UBE2Q1: variants seen among roughly 807,000 people sequenced by gnomAD.
The protein encoded by UBE2Q1 is ubiquitin conjugating enzyme E2 Q1.
A neutral mutation model predicts 60.1 loss-of-function variants in UBE2Q1; 6 were observed. The ratio of observed to expected loss-of-function variants is 0.10; its 90% confidence interval spans 0.05 to 0.20. The LOEUF is 0.20. Among genes scored for constraint, UBE2Q1 ranks in the 10% least tolerant of loss-of-function variants. The probability of loss-of-function intolerance (pLI) is 1.00; values close to 1 mark genes in which losing one functional copy is unlikely to be tolerated. For synonymous variants in UBE2Q1, 226 were observed against 208.3 expected (o/e 1.09, Z -0.73); for missense variants, 262 against 525.8 (o/e 0.50, Z 4.91).
intron 7 of UBE2Q1, 28 bp from the exon 8 acceptor site, chr1:154,552,211 T>C (rs778566368): frequency 6.8e-6 from 11 of 1,613,630 alleles, no homozygotes; most frequent in Non-Finnish European, 9.3e-6. Flanking sequence ...TGGGCTCAGA[T>C]GCCTGGTTCC....
At chr1:154,550,873 G>A (rs1557844342) in intron 12 of UBE2Q1, 65 bp downstream of exon 12, 1 of 1,613,242 alleles carries the variant, frequency 6.2e-7, no homozygotes, top group Non-Finnish European at 8.5e-7. Flanking sequence ...CTTGCTCTGT[G>A]GCTGGAAGTG....
Position 154,550,982 on chromosome 1 carries a change from G to A in UBE2Q1, c.1193C>T (p.Ala398Val). 1 of 1,614,080 alleles carries A rather than the reference G, an allele frequency of 6.2e-7. No homozygotes were observed. The highest frequency in any genetic ancestry group is 8.5e-7 in the Non-Finnish European group (1 of 1,180,010). ...ANKSQYSLTR[A>V]QQSYKSLVQI... ...CACCAAGGACTTGTAGGACTGCTGTGCTCTTGTCAGACTGTATTGAGACTG... is the reference window on the plus strand; with the variant it reads ...CACCAAGGACTTGTAGGACTGCTGTACTCTTGTCAGACTGTATTGAGACTG... The change falls in exon 12 of 13, where the codon GCA becomes GTA. Residue 398 changes from alanine to valine, a missense_variant. Transcript: ENST00000292211.
In UBE2Q1 at chr1:154,553,119, G is replaced by A. The variant is rs756649706; in HGVS notation, c.642C>T (p.Gly214=). 6.2e-7 allele frequency: 1 copy of A among 1,613,868 alleles called. No homozygotes were observed. The highest frequency in any genetic ancestry group is 8.5e-7 in the Non-Finnish European group (1 of 1,180,028). Residue 214 remains glycine (G), a synonymous_variant, in exon 5 of 13, where the codon GGC becomes GGT. Transcript: ENST00000292211. ...CAATGCCATCATCTTCAGATTTCTTGCCCTCAGCTGGCTCTTCCTCTTTCA... is the reference window on the plus strand; with the variant it reads ...CAATGCCATCATCTTCAGATTTCTTACCCTCAGCTGGCTCTTCCTCTTTCA... ...YEMKEEEPAE[G]KKSEDDGIGK... is the part of the protein sequence containing the mutation.
chr1:154,551,340 G>A (rs1695788067), intron 11 of UBE2Q1, 57 bp downstream of exon 11: 1 of 1,566,876 alleles, frequency 6.4e-7, no homozygotes, highest in East Asian at 2.2e-5. Flanking sequence ...CCTGCTAGTG[G>A]CCCCAAGTGT....
In UBE2Q1 at chr1:154,553,149, A is replaced by G. The variant is rs768070692; in HGVS notation, c.612T>C (p.Tyr204=). The change falls in exon 5 of 13, where the codon TAT becomes TAC. Residue 204 remains tyrosine, a synonymous_variant. Coordinates refer to ENST00000292211, the MANE Select transcript of UBE2Q1 (RefSeq NM_017582.7). The part of the protein sequence containing the change: ...MPEDTEDLDH[Y]EMKEEEPAEG... Reference sequence around the variant, plus strand: ...CAGCTGGCTCTTCCTCTTTCATTTCATAGTGATCTAAGTCTTCTGTGTCCT... The same window carrying G: ...CAGCTGGCTCTTCCTCTTTCATTTCGTAGTGATCTAAGTCTTCTGTGTCCT... 38 of 1,613,404 alleles carry G rather than the reference A, an allele frequency of 2.4e-5. No homozygotes were observed. Among genetic ancestry groups the G allele is most frequent in the Admixed American group, 6.7e-5 (4 of 59,978 alleles).
chr1:154,549,674 A>C lies in UBE2Q1; in HGVS notation c.*764T>G, dbSNP rs1695759191. 6.6e-6 allele frequency: 1 copy of C among 152,662 alleles called. No homozygotes were observed. The highest frequency in any genetic ancestry group is 2.1e-4 in the South Asian group (1 of 4,834). 9.5% of individuals were successfully genotyped at this position (152,662 alleles called of 1,614,324 possible). Reference sequence around the variant, plus strand: ...TTTTCTTTTTCTTAGAAATTTGAAAACATCTGTGACTAGAAAAGTAGTCCT... The same window carrying C: ...TTTTCTTTTTCTTAGAAATTTGAAACCATCTGTGACTAGAAAAGTAGTCCT... On this transcript the variant is annotated 3_prime_UTR_variant, in exon 13 of 13. Transcript: ENST00000292211.
rs377610107 is a variant in UBE2Q1 at position 154,555,976 on chromosome 1, A to G, written c.328-12T>C. 1 of 1,609,916 alleles carries G rather than the reference A, an allele frequency of 6.2e-7. No individual in the cohort carries two copies. On this transcript the variant is annotated splice_polypyrimidine_tract_variant and intron_variant, in intron 1 of 12. Transcript: ENST00000292211. ...GCAGGGTATGACTCCTGAAGGGAAA[A>G]GAGCAATAAGAGCAATCAAAATGGG...
chr1:154,551,756 G>A lies in UBE2Q1; in HGVS notation c.1074+15C>T, dbSNP rs777671170. 4.3e-6 allele frequency: 7 copies of A among 1,614,214 alleles called. No homozygotes were observed. Among genetic ancestry groups the A allele is most frequent in the Admixed American group, 1.7e-5 (1 of 60,032 alleles). ...CGCCCAGGCCGGCCTGGCCAAGGAG[G>A]AGAGACAGGCTCACCTGTTTGGTGA... On this transcript the variant is annotated intron_variant, in intron 10 of 12. Coordinates refer to ENST00000292211, the MANE Select transcript of UBE2Q1 (RefSeq NM_017582.7).
At chr1:154,553,290 T>A in intron 4 of UBE2Q1, 118 bp from the exon 5 acceptor site, 1 of 1,342,370 alleles carries the variant, frequency 7.4e-7, no homozygotes, top group Non-Finnish European at 1.0e-6. Context: ...AGTGAAGCAG[T>A]CCATCTAGCA....
chr1:154,551,744 C>T (rs532851183), intron 10 of UBE2Q1, 27 bp downstream of exon 10: 19 of 1,614,100 alleles, frequency 1.2e-5, no homozygotes, highest in Non-Finnish European at 1.6e-5. Flanking sequence ...CCAGGCCGGC[C>T]TGGCCAAGGA....
rs1695815100 is a variant in UBE2Q1, at chr1:154,552,773, C to T, written c.777G>A (p.Glu259=). Reference sequence around the variant, plus strand: ...TCTGTGATCGGTATATATCCCTGAGCTCCTTCATCAGCCGGTCAGTGGCCT... The same window carrying T: ...TCTGTGATCGGTATATATCCCTGAGTTCCTTCATCAGCCGGTCAGTGGCCT... ...SVQATDRLMK[E]LRDIYRSQSF... The change falls in exon 6 of 13, where the codon GAG becomes GAA. Residue 259 remains glutamate (E), a synonymous_variant. Transcript: ENST00000292211. The T allele has an allele frequency of 1.2e-6, 2 of 1,614,130 alleles. No homozygotes were observed. The highest frequency in any genetic ancestry group is 3.3e-5 in the Admixed American group (2 of 60,010).
chr1:154,551,180 C>T lies in UBE2Q1; in HGVS notation c.1171-176G>A. On this transcript the variant is annotated intron_variant, in intron 11 of 12. Coordinates refer to ENST00000292211, the MANE Select transcript of UBE2Q1 (RefSeq NM_017582.7). ...CTTGGAGGCATAATCCCATAGTCTT[C>T]CTTTTCCAGACCCGAAACCTCCCAA... 3.4e-6 allele frequency: 3 copies of T among 877,650 alleles called. No individual in the cohort carries two copies. In the South Asian group the frequency reaches 4.9e-5, roughly 14 times the overall value. The allele number at this position is 877,650 out of a possible 1,614,324, so 54.4% of individuals were successfully genotyped here.
intron 5 of UBE2Q1, 68 bp downstream of exon 5, chr1:154,552,964 G>C (rs1695818018): frequency 5.6e-6 from 9 of 1,602,414 alleles, no homozygotes; most frequent in Non-Finnish European, 6.8e-6. Flanking sequence ...ACTGAGATGC[G>C]ATGGCCTACT....
In UBE2Q1 at chr1:154,556,115, C is replaced by A. The variant is rs1047720399; in HGVS notation, c.328-151G>T. ...ATAAAAGCCCAACTTAGGTCAGCATCTAACCAAGCAGCTTCACAACAAATT... is the reference window on the plus strand; with the variant it reads ...ATAAAAGCCCAACTTAGGTCAGCATATAACCAAGCAGCTTCACAACAAATT... On this transcript the variant is annotated intron_variant, in intron 1 of 12. Coordinates refer to ENST00000292211, the MANE Select transcript of UBE2Q1 (RefSeq NM_017582.7). 3.9e-5 allele frequency: 24 copies of A among 618,796 alleles called. No homozygotes were observed. In the Admixed American group the frequency reaches 5.8e-4, roughly 15 times the overall value. The allele number at this position is 618,796 out of a possible 1,614,324, so 38.3% of individuals were successfully genotyped here.
At chr1:154,552,673 C>T in intron 6 of UBE2Q1, 63 bp downstream of exon 6, 1 of 1,576,168 alleles carries the variant, frequency 6.3e-7, no homozygotes, top group Non-Finnish European at 8.6e-7. Context: ...TCTTGGGCCC[C>T]TTGCCACCAT....
chr1:154,552,635 T>C, intron 6 of UBE2Q1, 101 bp downstream of exon 6: 1 of 1,481,998 alleles, frequency 6.7e-7, no homozygotes, highest in Non-Finnish European at 9.2e-7. Flanking sequence ...GCCTGAAAAG[T>C]TCATAAGCAC....
At position 154,556,079 on chromosome 1, in the gene UBE2Q1, C is replaced by T. The variant is rs75483513; in HGVS notation, c.328-115G>A. 2,357 of 779,180 alleles carry T rather than the reference C, an allele frequency of 3.0e-3. 26 individuals are homozygous for T. Among genetic ancestry groups the T allele is most frequent in the East Asian group, 0.027 (994 of 37,406 alleles). The allele number at this position is 779,180 out of a possible 1,614,324, so 48.3% of individuals were successfully genotyped here. Reference sequence around the variant, plus strand: ...GCCCCTTTGCTTCCCACCCCCACCCCCTACACACACATAAAAGCCCAACTT... The same window carrying T: ...GCCCCTTTGCTTCCCACCCCCACCCTCTACACACACATAAAAGCCCAACTT... On this transcript the variant is annotated intron_variant, in intron 1 of 12. Transcript: ENST00000292211.
At chr1:154,551,581 A>G (rs1695790800) in intron 10 of UBE2Q1, 89 bp from the exon 11 acceptor site, 1 of 1,497,206 alleles carries the variant, frequency 6.7e-7, no homozygotes, top group Non-Finnish European at 9.3e-7. Flanking sequence ...AGCTGTGTCT[A>G]TAGGAGGGCC....
chr1:154,555,332 G>A lies in UBE2Q1; in HGVS notation c.537+96C>T. 3.9e-6 allele frequency: 4 copies of A among 1,033,800 alleles called. 1 individual carries two copies. Among genetic ancestry groups the A allele is most frequent in the Non-Finnish European group, 4.5e-6 (3 of 662,076 alleles). 64.0% of individuals were successfully genotyped at this position (1,033,800 alleles called of 1,614,324 possible). A position where few individuals can be genotyped will look rare whatever the true frequency, so the allele number is the denominator to read the frequency against. On this transcript the variant is annotated intron_variant, in intron 3 of 12. Coordinates refer to ENST00000292211, the MANE Select transcript of UBE2Q1 (RefSeq NM_017582.7). The stretch of plus-strand genomic sequence containing the variant: ...ACGTGTATGTTTTTGGGAGCCGGTG[G>A]GGATGGAGAGAAACTACTGATTTGT...
Sources: gnomAD v4.1 joint callset for allele counts on GRCh38, gnomAD v4.1.1 for gene constraint, MANE v1.5 for transcripts, NCBI Gene and HGNC (gene_info 2026-07-23, HGNC 2026-07-21) for gene names.